ACACB: variants seen among roughly 807,000 people sequenced by gnomAD.
ACACB encodes acetyl-CoA carboxylase 2.
ACACB carries 209 observed loss-of-function variants against 278.8 expected under a neutral mutation model. The observed-to-expected ratio is 0.75, with a 90% CI of 0.67 to 0.84. ACACB has a LOEUF of 0.84. Among genes scored for constraint, ACACB ranks in the 40% least tolerant of loss-of-function variants. The pLI is 0.00. For synonymous variants in ACACB, 1,174 were observed against 1,285.6 expected (o/e 0.91, Z 1.86); for missense variants, 2,850 against 3,269.0 (o/e 0.87, Z 3.13).
In ACACB at chr12:109,190,924, C is replaced by T. The variant is rs113231478; in HGVS notation, c.2145-689C>T. Among the ~76,000 whole-genome samples the T allele has an allele frequency of 8.1e-3, 1,235 of 152,230 alleles. 13 individuals carry two copies. Among genetic ancestry groups the T allele is most frequent in the African/African-American group, 0.028 (1,171 of 41,528 alleles). ...TACAGGCATGAACCACCATGCCTGGCTGGTTCTTTCTCTACTAATCATTAA... is the reference window on the plus strand; with the variant it reads ...TACAGGCATGAACCACCATGCCTGGTTGGTTCTTTCTCTACTAATCATTAA... On this transcript the variant is annotated intron_variant, in intron 13 of 52. Coordinates refer to ENST00000338432, the MANE Select transcript of ACACB (RefSeq NM_001093.4).
At chr12:109,180,758 A>C (rs1026754850) in intron 11 of ACACB, among the ~76,000 whole-genome samples, 1 of 152,056 alleles carries the variant, frequency 6.6e-6, no homozygotes, top group African/African-American at 2.4e-5. Flanking sequence ...TAATCACATC[A>C]GGGTAAATGG....
rs200400565 is a variant in ACACB at position 109,183,567 on chromosome 12, A to AT, written c.1819-2003dup. On this transcript the variant is annotated intron_variant, in intron 11 of 52. Transcript: ENST00000338432. The stretch of plus-strand genomic sequence containing the variant: ...TATCATAAATGGAATTACTTTCTTG[A>AT]TTTTTTTTTCCAGACCATTCGCTCT... Among the ~76,000 whole-genome samples, 642 of 150,982 alleles carry AT rather than the reference A, an allele frequency of 4.3e-3. 9 individuals carry two copies. Among genetic ancestry groups the AT allele is most frequent in the African/African-American group, 0.014 (586 of 41,142 alleles).
Position 109,216,656 on chromosome 12 carries a change from T to C in ACACB, c.3389T>C (p.Val1130Ala). ...SGIRGYMKTVVLDLLRRYLRV... is the reference protein window; with the variant it reads ...SGIRGYMKTVALDLLRRYLRV... ...ATCCGCGGCTATATGAAAACAGTGGTGTTGGATCTCCTGAGAAGATACTTG... is the reference window on the plus strand; with the variant it reads ...ATCCGCGGCTATATGAAAACAGTGGCGTTGGATCTCCTGAGAAGATACTTG... Residue 1130 changes from valine to alanine, a missense_variant, in exon 23 of 53, where the codon GTG (valine) becomes GCG (alanine). Physicochemically the swap from Val to Ala is moderately conservative, Grantham distance 64. Around this residue, in one of 3 missense-constraint regions of ACACB, gnomAD observed 2,265 missense variants for 2,561.3 expected, o/e 0.88. Transcript: ENST00000338432. 6.2e-7 allele frequency: 1 copy of C among 1,614,156 alleles called. No individual in the cohort carries two copies. Among genetic ancestry groups the C allele is most frequent in the Non-Finnish European group, 8.5e-7 (1 of 1,180,018 alleles).
Position 109,256,183 on chromosome 12 carries a change from T to A in ACACB, c.6210T>A (p.Ser2070Arg). 6.2e-7 allele frequency: 1 copy of A among 1,613,846 alleles called. No individual in the cohort carries two copies. The highest frequency in any genetic ancestry group is 8.5e-7 in the Non-Finnish European group (1 of 1,179,932). The change falls in exon 45 of 53, where the codon AGT becomes AGA. Residue 2070 changes from serine to arginine, a missense_variant. Transcript: ENST00000338432. ...TWQSGFFDHGSFKEIMAPWAQ... is the reference protein window; with the variant it reads ...TWQSGFFDHGRFKEIMAPWAQ... ...AGAGCGGATTCTTTGACCACGGCAGTTTCAAGGAAATCATGGCACCCTGGG... is the reference window on the plus strand; with the variant it reads ...AGAGCGGATTCTTTGACCACGGCAGATTCAAGGAAATCATGGCACCCTGGG...
chr12:109,223,635 C>T (rs539818028), intron 26 of ACACB, among the ~76,000 whole-genome samples, 180 bp from the exon 27 acceptor site: 2 of 152,214 alleles, frequency 1.3e-5, no homozygotes, highest in East Asian at 1.9e-4. Flanking sequence ...TGTTGGCGCA[C>T]GCTGTAGTCC....
At chr12:109,126,295 G>A (rs73195483) in intron 1 of ACACB, among the ~76,000 whole-genome samples, 8,143 of 152,184 alleles carry the variant, frequency 0.054, 404 homozygotes, top group East Asian at 0.25. Context: ...CATTGGAGGT[G>A]GAAAAACGGC....
intron 1 of ACACB, among the ~76,000 whole-genome samples, chr12:109,134,119 A>G (rs964500315): frequency 1.3e-4 from 20 of 151,930 alleles, no homozygotes; most frequent in Non-Finnish European, 2.8e-4. Flanking sequence ...TGTGCCAAGC[A>G]CCAAGCTGGG....
chr12:109,254,207 T>C lies in ACACB; in HGVS notation c.6046-7T>C. On this transcript the variant is annotated splice_region_variant and splice_polypyrimidine_tract_variant and intron_variant, in intron 43 of 52. Transcript: ENST00000338432. ...GACTAAGTCAGAGACTTGGCTTTCT[T>C]TTTTAGGATAATCACAGCCCTGTCC... The C allele has an allele frequency of 6.2e-7, 1 of 1,613,672 alleles. No individual in the cohort carries two copies. Among genetic ancestry groups the C allele is most frequent in the South Asian group, 1.1e-5 (1 of 91,012 alleles).
chr12:109,187,522 G>T (rs746991103), intron 12 of ACACB, among the ~76,000 whole-genome samples: 1 of 151,558 alleles, frequency 6.6e-6, no homozygotes, highest in African/African-American at 2.4e-5. Flanking sequence ...GTGCAGTGGC[G>T]TAGTCATGCC....
At chr12:109,172,163 C>T in intron 5 of ACACB, 112 bp from the exon 6 acceptor site, 1 of 1,011,004 alleles carries the variant, frequency 9.9e-7, no homozygotes, top group Non-Finnish European at 1.5e-6. Flanking sequence ...CTCAAGTGAT[C>T]CTCCTGCCTT....
chr12:109,191,794 T>C lies in ACACB; in HGVS notation c.2295+31T>C, dbSNP rs769599439. ...GAGTGAGCTGCCTGTGTCTCCCCTC[T>C]GGATGGCCGAGACCTCGGCTTCCTG... On this transcript the variant is annotated intron_variant, in intron 14 of 52. Transcript: ENST00000338432. 3.7e-6 allele frequency: 6 copies of C among 1,614,176 alleles called. No homozygotes were observed. The South Asian group carries it at 6.6e-5, about 18-fold the overall frequency.
At chr12:109,172,875 T>C (rs2044163661) in intron 6 of ACACB, among the ~76,000 whole-genome samples, 1 of 152,218 alleles carries the variant, frequency 6.6e-6, no homozygotes, top group East Asian at 1.9e-4. Context: ...CACGAATGTT[T>C]ATTGCAGCAC....
chr12:109,244,503 G>A (rs1306771298), intron 37 of ACACB, among the ~76,000 whole-genome samples: 2 of 152,280 alleles, frequency 1.3e-5, no homozygotes, highest in East Asian at 1.9e-4. Flanking sequence ...GTATCCTTTT[G>A]CCTTTGACCT....
chr12:109,148,506 A>G (rs902217718), intron 2 of ACACB, among the ~76,000 whole-genome samples: 1 of 152,214 alleles, frequency 6.6e-6, no homozygotes, highest in East Asian at 1.9e-4. Context: ...TATGAAATTG[A>G]AGTTCATAAA....
At chr12:109,173,135 A>T (rs2044171910) in intron 6 of ACACB, among the ~76,000 whole-genome samples, 1 of 152,166 alleles carries the variant, frequency 6.6e-6, no homozygotes, top group Non-Finnish European at 1.5e-5. Context: ...TATGGACACA[A>T]AGAGGGAACA....
Position 109,237,157 on chromosome 12 carries a change from G to A in ACACB, c.4447-8G>A, listed in dbSNP as rs201721016. 1.0e-4 allele frequency: 169 copies of A among 1,613,992 alleles called. No homozygotes were observed. The Admixed American group carries it at 1.1e-3, about 11-fold the overall frequency. On this transcript the variant is annotated splice_polypyrimidine_tract_variant and splice_region_variant and intron_variant, in intron 33 of 52. Transcript: ENST00000338432. The stretch of plus-strand genomic sequence containing the variant: ...TGTGTCTGTCTTCTCTCTCTGGTCC[G>A]CCTACAGTTTGCAGAAGATCGCATT...
chr12:109,124,013 C>A (rs2042617695), intron 1 of ACACB, among the ~76,000 whole-genome samples: 1 of 151,968 alleles, frequency 6.6e-6, no homozygotes, highest in Non-Finnish European at 1.5e-5. Context: ...AAGCAATTCT[C>A]ACAGCTAGAT....
At chr12:109,125,844 G>T (rs931407538) in intron 1 of ACACB, among the ~76,000 whole-genome samples, 6 of 152,102 alleles carry the variant, frequency 3.9e-5, no homozygotes, top group African/African-American at 1.4e-4. Flanking sequence ...GCACTGTGTC[G>T]CCCAGAGGGT....
intron 19 of ACACB, among the ~76,000 whole-genome samples, chr12:109,204,654 C>A (rs1360352890): frequency 6.6e-6 from 1 of 151,960 alleles, no homozygotes; most frequent in Non-Finnish European, 1.5e-5. Flanking sequence ...GCCCCACTAC[C>A]CTTCCCAGAC....
Sources: gnomAD v4.1 joint callset for allele counts (sites outside exome capture counted in the v4.1 genomes callset) on GRCh38, gnomAD v4.1.1 for gene constraint, gnomAD v4.1.1 regional missense constraint, MANE v1.5 for transcripts, NCBI Gene and HGNC (gene_info 2026-07-23, HGNC 2026-07-21) for gene names.